The following TBCK variants were observed in gnomAD, a reference collection of about 807,000 sequenced individuals.
TBCK encodes the protein TBC domain-containing protein kinase-like protein.
Under a neutral mutation model 113.4 loss-of-function variants are expected in TBCK, and 99 were observed. The ratio of observed to expected loss-of-function variants is 0.87; its 90% confidence interval spans 0.74 to 1.03. The LOEUF (loss-of-function observed/expected upper bound fraction) is 1.03, where lower values mean the gene tolerates loss of function less well. TBCK is among the 50% of genes least tolerant of loss of function. The pLI, the probability that TBCK is intolerant of heterozygous loss-of-function variation, is 0.00. For missense variants in TBCK, 1,045 were observed against 1,061.3 expected (o/e 0.98, Z 0.21); for synonymous variants, 369 against 370.8 (o/e 1.00, Z 0.05).
chr4:106,303,340 CT>C (rs916724031), intron 2 of TBCK, among the ~76,000 whole-genome samples: 1 of 151,940 alleles, frequency 6.6e-6, no homozygotes, highest in Admixed American at 6.5e-5. Context: ...GCCCTTTTTT[CT>C]TTTTTTTCCA....
chr4:106,073,546 A>T lies in TBCK; in HGVS notation c.2571+21936T>A, dbSNP rs542421826. On this transcript the variant is annotated intron_variant, in intron 25 of 25. Coordinates refer to ENST00000394708, the MANE Select transcript of TBCK (RefSeq NM_001163435.3). Reference sequence around the variant, plus strand: ...TGTCAGTCAGCCCCTACTGGGAGGTATCTCCCAGTTAGGCTGCACGGGTGT... The same window carrying T: ...TGTCAGTCAGCCCCTACTGGGAGGTTTCTCCCAGTTAGGCTGCACGGGTGT... 2.6e-5 allele frequency among the ~76,000 whole-genome samples: 4 copies of T among 152,290 alleles called. No homozygotes were observed. The East Asian group carries it at 7.7e-4, about 29-fold the overall frequency.
intron 20 of TBCK, among the ~76,000 whole-genome samples, chr4:106,197,050 G>C (rs1754312508): frequency 6.6e-6 from 1 of 152,050 alleles, no homozygotes; most frequent in South Asian, 2.1e-4. Flanking sequence ...ACAACAATTT[G>C]TACATCTTAG....
chr4:106,153,937 C>G (rs957924023), intron 23 of TBCK, among the ~76,000 whole-genome samples: 7 of 151,798 alleles, frequency 4.6e-5, no homozygotes, highest in Non-Finnish European at 8.8e-5. Context: ...TATTTTTAGT[C>G]AACATGTGTC....
At chr4:106,064,315 G>GTGAT (rs1312287900) in intron 25 of TBCK, among the ~76,000 whole-genome samples, 1 of 151,768 alleles carries the variant, frequency 6.6e-6, no homozygotes, top group Non-Finnish European at 1.5e-5. Flanking sequence ...ACACTGTTTA[G>GTGAT]TGATAGAATA....
chr4:106,162,523 C>T (rs1749912392), intron 23 of TBCK, among the ~76,000 whole-genome samples: 1 of 152,174 alleles, frequency 6.6e-6, no homozygotes, highest in Non-Finnish European at 1.5e-5. Flanking sequence ...AGCAGAGGTT[C>T]TCTGTTAGGG....
At chr4:106,171,844 T>G (rs1287209134) in intron 22 of TBCK, among the ~76,000 whole-genome samples, 2 of 152,052 alleles carry the variant, frequency 1.3e-5, no homozygotes, top group African/African-American at 4.8e-5. Context: ...TTTTTTCCTG[T>G]TTTTGAGATA....
At chr4:106,103,031 A>G (rs971583443) in intron 24 of TBCK, among the ~76,000 whole-genome samples, 2 of 152,224 alleles carry the variant, frequency 1.3e-5, no homozygotes, top group Non-Finnish European at 2.9e-5. Flanking sequence ...TAAAAATATT[A>G]TTAAAATTTC....
chr4:106,210,447 C>T (rs1015516078), intron 20 of TBCK, among the ~76,000 whole-genome samples: 8 of 152,046 alleles, frequency 5.3e-5, no homozygotes, highest in Non-Finnish European at 1.0e-4. Context: ...CTGCCTGTAT[C>T]CAGAAAACAG....
intron 23 of TBCK, among the ~76,000 whole-genome samples, chr4:106,148,005 G>C (rs889308484): frequency 2.6e-5 from 4 of 152,148 alleles, no homozygotes; most frequent in South Asian, 2.1e-4. Flanking sequence ...TTCTATGGTC[G>C]AGGCTGTAGG....
At chr4:106,204,967 T>G (rs957733777) in intron 20 of TBCK, among the ~76,000 whole-genome samples, 1 of 151,024 alleles carries the variant, frequency 6.6e-6, no homozygotes, top group Non-Finnish European at 1.5e-5. Flanking sequence ...GGGTTTCACC[T>G]TGTTAGCCAG....
chr4:106,252,078 T>C, intron 5 of TBCK, 71 bp from the exon 6 acceptor site: 1 of 1,298,362 alleles, frequency 7.7e-7, no homozygotes, highest in Non-Finnish European at 1.1e-6. Context: ...TTACAATCAA[T>C]GTGGTAAGAT....
chr4:106,207,935 G>A (rs890354157), intron 20 of TBCK, among the ~76,000 whole-genome samples: 2 of 152,138 alleles, frequency 1.3e-5, no homozygotes, highest in Non-Finnish European at 2.9e-5. Context: ...TGACAGAACC[G>A]TTTGCTAGAG....
chr4:106,298,098 ATT>A (rs1766504157), intron 2 of TBCK, among the ~76,000 whole-genome samples: 1 of 152,026 alleles, frequency 6.6e-6, no homozygotes, highest in South Asian at 2.1e-4. Context: ...CTACATTTTA[ATT>A]TTGTTTTGTA....
chr4:106,293,635 T>G (rs1176431759), intron 3 of TBCK, among the ~76,000 whole-genome samples: 1 of 152,212 alleles, frequency 6.6e-6, no homozygotes, highest in Non-Finnish European at 1.5e-5. Context: ...TTTTTCATTC[T>G]AGAGGCTACC....
chr4:106,120,175 T>C (rs1744100129), intron 23 of TBCK, among the ~76,000 whole-genome samples: 3 of 151,888 alleles, frequency 2.0e-5, no homozygotes, highest in Non-Finnish European at 4.4e-5. Context: ...GGTCAGGGAG[T>C]TCCCTTTCCG....
chr4:106,292,830 A>C (rs1166680875), intron 3 of TBCK, among the ~76,000 whole-genome samples: 2 of 152,226 alleles, frequency 1.3e-5, no homozygotes, highest in African/African-American at 4.8e-5. Flanking sequence ...CAACCTGCTC[A>C]ACAAACTCAA....
chr4:106,100,333 C>T lies in TBCK; in HGVS notation c.2412-4692G>A, dbSNP rs547974188. Reference sequence around the variant, plus strand: ...TTGCCAAACCTGGAGTAACTAGTATCGGCAGCAAATATGCTAAGGTGCCTT... The same window carrying T: ...TTGCCAAACCTGGAGTAACTAGTATTGGCAGCAAATATGCTAAGGTGCCTT... On this transcript the variant is annotated intron_variant, in intron 24 of 25. Transcript: ENST00000394708. Among the ~76,000 whole-genome samples the T allele has an allele frequency of 2.9e-4, 44 of 152,092 alleles. No homozygotes were observed. In the South Asian group the frequency reaches 7.9e-3, roughly 27 times the overall value.
At chr4:106,082,977 C>T (rs1028867079) in intron 25 of TBCK, among the ~76,000 whole-genome samples, 2 of 152,356 alleles carry the variant, frequency 1.3e-5, no homozygotes, top group South Asian at 2.1e-4. Context: ...GATACACTTG[C>T]GAACCCATTC....
At chr4:106,219,085 T>C (rs12501854) in intron 19 of TBCK, among the ~76,000 whole-genome samples, 20,226 of 149,338 alleles carry the variant, frequency 0.14, 1,130 homozygotes, top group South Asian at 0.24. Flanking sequence ...ATGGATGAAA[T>C]TGGAAATCAT....
Sources: allele counts gnomAD v4.1 joint callset (sites outside exome capture counted in the v4.1 genomes callset), GRCh38; gene constraint gnomAD v4.1.1; transcripts MANE v1.5; gene names NCBI Gene and HGNC (gene_info 2026-07-23, HGNC 2026-07-21).